PGPEP1L: variants seen among roughly 807,000 people sequenced by gnomAD.
The protein encoded by PGPEP1L is pyroglutamyl-peptidase I like, also known as pyroglutamyl-peptidase 1-like protein.
Under a neutral mutation model 6.0 loss-of-function variants are expected in PGPEP1L, and 7 were observed. The ratio of observed to expected loss-of-function variants is 1.17; its 90% CI spans 0.66 to 2.19. The LOEUF is 2.19. Ranked by LOEUF, PGPEP1L falls within the 30% of genes most tolerant of loss-of-function variation. The probability of loss-of-function intolerance (pLI) is 0.00; values close to 1 mark genes in which losing one functional copy is unlikely to be tolerated. For synonymous variants in PGPEP1L, 103 were observed against 83.9 expected, an observed-to-expected ratio of 1.23 and a Z score of -1.24; for missense variants, 209 against 192.5, an observed-to-expected ratio of 1.09 and a Z score of -0.51.
At chr15:98,976,839 T>C (rs910696483) in intron 2 of PGPEP1L, among the ~76,000 whole-genome samples, 54 of 152,150 alleles carry the variant, frequency 3.5e-4, no homozygotes, top group Non-Finnish European at 7.2e-4. Flanking sequence ...CAGATTATTA[T>C]TTTATTTCAC....
intron 2 of PGPEP1L, among the ~76,000 whole-genome samples, chr15:98,991,377 G>A (rs1157532798): frequency 1.3e-5 from 2 of 152,000 alleles, no homozygotes; most frequent in Admixed American, 6.6e-5. Flanking sequence ...ATAAATCCCT[G>A]GACACATACA....
chr15:98,980,325 G>A (rs961759241), intron 2 of PGPEP1L, among the ~76,000 whole-genome samples: 2 of 152,220 alleles, frequency 1.3e-5, no homozygotes, highest in African/African-American at 4.8e-5. Context: ...ATTGTCCTAG[G>A]ATAGTAAAGG....
At chr15:99,007,030 C>T (rs1358732324) in intron 1 of PGPEP1L, among the ~76,000 whole-genome samples, 4 of 152,096 alleles carry the variant, frequency 2.6e-5, no homozygotes, top group Non-Finnish European at 2.9e-5. Context: ...TAAAGCGCTC[C>T]CTTTTAATTG....
intron 2 of PGPEP1L, 47 bp from the exon 3 acceptor site, chr15:98,971,205 G>GGT (rs1567234134): frequency 4.9e-6 from 1 of 203,346 alleles, no homozygotes; most frequent in African/African-American, 5.9e-5. Context: ...GGGGGGGGGG[G>GGT]GGGGGTGGGC....
At position 98,971,170 on chromosome 15, in the gene PGPEP1L, G is replaced by A. The variant is rs537580771; in HGVS notation, c.-141-12C>T. 27 of 1,457,944 alleles carry A rather than the reference G, an allele frequency of 1.9e-5. No homozygotes were observed. The highest frequency in any genetic ancestry group is 1.9e-4 in the Middle Eastern group (1 of 5,312). The allele number at this position is 1,457,944 out of a possible 1,614,324, so 90.3% of individuals were successfully genotyped here. A position where few individuals can be genotyped will look rare whatever the true frequency, so the allele number is the denominator to read the frequency against. ...AGCTTGGAGAGCTCCTGAGGAAAGC[G>A]GCAGGTGGACTTGCCTCAGTTGATG... On this transcript the variant is annotated splice_polypyrimidine_tract_variant and intron_variant, in intron 2 of 4. Coordinates refer to ENST00000535714, the MANE Select transcript of PGPEP1L (RefSeq NM_001167902.2).
At position 99,004,675 on chromosome 15, in the gene PGPEP1L, G is replaced by A. The variant is rs527852308; in HGVS notation, c.-142+754C>T. 3.2e-4 allele frequency among the ~76,000 whole-genome samples: 48 copies of A among 152,308 alleles called. 1 individual carries two copies. Among genetic ancestry groups the A allele is most frequent in the South Asian group, 2.7e-3 (13 of 4,824 alleles). Reference sequence around the variant, plus strand: ...GGAGGCTGCAGTGAGCTGAGCTTACGCCACTGCACTCTAGCCTAGCGACAG... The same window carrying A: ...GGAGGCTGCAGTGAGCTGAGCTTACACCACTGCACTCTAGCCTAGCGACAG... On this transcript the variant is annotated intron_variant, in intron 2 of 4. Coordinates refer to ENST00000535714, the MANE Select transcript of PGPEP1L (RefSeq NM_001167902.2).
chr15:98,975,315 T>G (rs2017552433), intron 2 of PGPEP1L, among the ~76,000 whole-genome samples: 1 of 151,978 alleles, frequency 6.6e-6, no homozygotes, highest in Non-Finnish European at 1.5e-5. Flanking sequence ...TACCAGAAGG[T>G]GGGAAGGGAT....
At chr15:98,978,291 C>A (rs1394277004) in intron 2 of PGPEP1L, among the ~76,000 whole-genome samples, 1 of 152,122 alleles carries the variant, frequency 6.6e-6, no homozygotes, top group Admixed American at 6.5e-5. Flanking sequence ...GTCGGGGCAC[C>A]CCTGAGAGGT....
At chr15:98,997,829 G>A (rs139372997) in intron 2 of PGPEP1L, among the ~76,000 whole-genome samples, 37 of 152,112 alleles carry the variant, frequency 2.4e-4, no homozygotes, top group Middle Eastern at 3.4e-3. Flanking sequence ...TAGAAACCTC[G>A]CTCTGGGCCA....
At chr15:98,980,667 C>G (rs545179374) in intron 2 of PGPEP1L, among the ~76,000 whole-genome samples, 33 of 152,276 alleles carry the variant, frequency 2.2e-4, no homozygotes, top group South Asian at 1.5e-3. Context: ...TGCAGTGGCT[C>G]ACGCCTGTAA....
chr15:98,969,467 G>C lies in PGPEP1L; in HGVS notation c.167C>G (p.Ala56Gly), dbSNP rs770871985. Residue 56 changes from alanine to glycine, a missense_variant, in exon 4 of 5, where the codon GCT becomes GGT. Transcript: ENST00000535714. ...AAAGATCACGTCGACACCCTCCACA[G>C]CTACGCGCTTGCAGACTGCCTTCAT... ...VCMKAVCKRV[A>G]VEGVDVIFSR... 1.2e-6 allele frequency: 2 copies of C among 1,614,032 alleles called. No individual in the cohort carries two copies. The highest frequency in any genetic ancestry group is 8.5e-7 in the Non-Finnish European group (1 of 1,179,904).
At chr15:98,984,259 C>T (rs1436286185) in intron 2 of PGPEP1L, among the ~76,000 whole-genome samples, 3 of 152,162 alleles carry the variant, frequency 2.0e-5, no homozygotes, top group Non-Finnish European at 2.9e-5. Flanking sequence ...AACCACCCAC[C>T]GTGGCCTCCC....
At chr15:99,006,608 A>G (rs552230503) in intron 1 of PGPEP1L, among the ~76,000 whole-genome samples, 5 of 152,354 alleles carry the variant, frequency 3.3e-5, no homozygotes, top group South Asian at 2.1e-4. Flanking sequence ...GTAGGAGGAT[A>G]GCCTGAGGCC....
At chr15:98,982,255 G>A (rs62025672) in intron 2 of PGPEP1L, among the ~76,000 whole-genome samples, 35,754 of 151,950 alleles carry the variant, frequency 0.24, 5,489 homozygotes, top group Non-Finnish European at 0.35. Flanking sequence ...CGATCCTTGG[G>A]AGCTCCCTGG....
intron 2 of PGPEP1L, among the ~76,000 whole-genome samples, chr15:98,971,590 G>C (rs956129566): frequency 6.6e-6 from 1 of 152,122 alleles, no homozygotes; most frequent in African/African-American, 2.4e-5. Context: ...CAAACATGAA[G>C]AAGAAATAAA....
intron 2 of PGPEP1L, among the ~76,000 whole-genome samples, chr15:98,975,708 C>T (rs751130136): frequency 2.0e-5 from 3 of 152,076 alleles, no homozygotes; most frequent in Non-Finnish European, 4.4e-5. Flanking sequence ...TGGTGAAACT[C>T]CGTCTCTACT....
At chr15:98,975,525 C>T (rs370376444) in intron 2 of PGPEP1L, among the ~76,000 whole-genome samples, 10 of 152,332 alleles carry the variant, frequency 6.6e-5, no homozygotes, top group African/African-American at 2.4e-4. Flanking sequence ...ATCCTAATTA[C>T]CCTGATTTAA....
chr15:98,980,303 G>C (rs1003579384), intron 2 of PGPEP1L, among the ~76,000 whole-genome samples: 1 of 152,162 alleles, frequency 6.6e-6, no homozygotes, highest in Non-Finnish European at 1.5e-5. Context: ...AAACCTGAAC[G>C]ATCAGGGAGG....
chr15:98,986,127 AAG>A (rs1555471468), intron 2 of PGPEP1L, among the ~76,000 whole-genome samples: 2 of 152,186 alleles, frequency 1.3e-5, no homozygotes, highest in Non-Finnish European at 2.9e-5. Context: ...ACTGTGGCAT[AAG>A]AGAGAGTATA....
Sources: allele counts gnomAD v4.1 joint callset (sites outside exome capture counted in the v4.1 genomes callset), GRCh38; gene constraint gnomAD v4.1.1; transcripts MANE v1.5; gene names NCBI Gene and HGNC (gene_info 2026-07-23, HGNC 2026-07-21).